The following KPNA3 variants were observed in gnomAD, a reference collection of about 807,000 sequenced individuals.
The protein encoded by KPNA3 is importin subunit alpha-4.
Under a neutral mutation model 73.8 loss-of-function variants are expected in KPNA3, and 13 were observed. The observed-to-expected ratio is 0.18, with a 90% confidence interval of 0.11 to 0.28. The LOEUF (loss-of-function observed/expected upper bound fraction) is 0.28. KPNA3 is among the 10% of genes least tolerant of loss of function. KPNA3 has a pLI of 1.00. For synonymous variants in KPNA3, 186 were observed against 206.9 expected (o/e 0.90, Z 0.87); for missense variants, 360 against 618.1 (o/e 0.58, Z 4.43).
intron 2 of KPNA3, among the ~76,000 whole-genome samples, chr13:49,738,669 C>T (rs564414349): frequency 1.3e-5 from 2 of 152,050 alleles, no homozygotes; most frequent in South Asian, 2.1e-4. Flanking sequence ...TATATAAATG[C>T]GACTGATTTC....
chr13:49,770,179 C>CTTTTT (rs35910811), intron 1 of KPNA3, among the ~76,000 whole-genome samples: 16 of 83,834 alleles, frequency 1.9e-4, no homozygotes, highest in East Asian at 7.2e-4. Context: ...TTGTGGGCTG[C>CTTTTT]TTTTTTTTTT....
At chr13:49,785,872 C>T (rs565854363) in intron 1 of KPNA3, among the ~76,000 whole-genome samples, 85 of 152,258 alleles carry the variant, frequency 5.6e-4, no homozygotes, top group African/African-American at 1.9e-3. Flanking sequence ...CACCTTTAGA[C>T]ACTGCATATG....
intron 6 of KPNA3, among the ~76,000 whole-genome samples, chr13:49,730,776 C>G (rs1954460252): frequency 8.4e-6 from 1 of 118,712 alleles, no homozygotes; most frequent in South Asian, 3.3e-4. Context: ...CCCCTCCCCC[C>G]TATTTATTCA....
At chr13:49,703,518 T>G (rs1174661581) in intron 15 of KPNA3, among the ~76,000 whole-genome samples, 1 of 152,170 alleles carries the variant, frequency 6.6e-6, no homozygotes, top group Non-Finnish European at 1.5e-5. Flanking sequence ...GTAATTTGTA[T>G]CTTTCTCTTT....
At chr13:49,715,883 C>T (rs1825062366) in intron 10 of KPNA3, among the ~76,000 whole-genome samples, 1 of 152,174 alleles carries the variant, frequency 6.6e-6, no homozygotes, top group South Asian at 2.1e-4. Flanking sequence ...AGGAAATGGC[C>T]TAAATGCCTA....
intron 15 of KPNA3, among the ~76,000 whole-genome samples, 176 bp downstream of exon 15, chr13:49,705,445 T>C (rs1954199136): frequency 6.6e-6 from 1 of 152,064 alleles, no homozygotes; most frequent in African/African-American, 2.4e-5. Context: ...TATGGACTAC[T>C]GTCTTCTGGA....
At chr13:49,724,362 G>C (rs981352369) in intron 7 of KPNA3, among the ~76,000 whole-genome samples, 1 of 151,502 alleles carries the variant, frequency 6.6e-6, no homozygotes, top group Non-Finnish European at 1.5e-5. Context: ...GGAGTGCAGC[G>C]GCACGATCTC....
At chr13:49,754,670 G>A (rs1189573492) in intron 1 of KPNA3, among the ~76,000 whole-genome samples, 2 of 144,600 alleles carry the variant, frequency 1.4e-5, no homozygotes, top group Non-Finnish European at 3.0e-5. Context: ...AGAAAATGCA[G>A]AGTTATAATA....
intron 6 of KPNA3, among the ~76,000 whole-genome samples, chr13:49,726,342 G>A (rs1954409019): frequency 6.6e-6 from 1 of 152,184 alleles, no homozygotes; most frequent in Non-Finnish European, 1.5e-5. Flanking sequence ...CAAAGAAAGT[G>A]ACAACTGAAC....
Position 49,726,430 on chromosome 13 carries a change from T to C in KPNA3, c.384-929A>G, listed in dbSNP as rs1025253365. On this transcript the variant is annotated intron_variant, in intron 6 of 16. Transcript: ENST00000261667. Reference sequence around the variant, plus strand: ...ACAGGTATCATGCATGGAAGGATCATGATGTGTAGGAACGACAAGGATTAG... The same window carrying C: ...ACAGGTATCATGCATGGAAGGATCACGATGTGTAGGAACGACAAGGATTAG... Among the ~76,000 whole-genome samples, 10 of 152,184 alleles carry C rather than the reference T, an allele frequency of 6.6e-5. No individual in the cohort carries two copies. In the South Asian group the frequency reaches 1.0e-3, roughly 16 times the overall value.
At chr13:49,737,117 GTTGTTTCTAAGTT>G (rs980756693) in intron 2 of KPNA3, among the ~76,000 whole-genome samples, 2 of 152,056 alleles carry the variant, frequency 1.3e-5, no homozygotes, top group African/African-American at 4.8e-5. Flanking sequence ...GGCCATCTGT[GTTGTTTCTAAGTT>G]TTGGCTATTA....
chr13:49,786,890 T>C (rs1375796780), intron 1 of KPNA3, among the ~76,000 whole-genome samples: 8 of 152,128 alleles, frequency 5.3e-5, no homozygotes, highest in East Asian at 1.9e-4. Context: ...GGAGAGAAGA[T>C]ACTGAACACA....
chr13:49,787,802 C>T (rs1449707549), intron 1 of KPNA3, among the ~76,000 whole-genome samples: 1 of 152,076 alleles, frequency 6.6e-6, no homozygotes, highest in African/African-American at 2.4e-5. Flanking sequence ...GCCTCAGCCT[C>T]CCGTGTAGCT....
chr13:49,709,468 G>A, intron 12 of KPNA3, 104 bp downstream of exon 12: 2 of 892,510 alleles, frequency 2.2e-6, no homozygotes, highest in Admixed American at 2.6e-5. Context: ...CATCTTCGCT[G>A]CAGTGGCTTT....
At chr13:49,787,793 C>T (rs1327417362) in intron 1 of KPNA3, among the ~76,000 whole-genome samples, 1 of 152,044 alleles carries the variant, frequency 6.6e-6, no homozygotes, top group Non-Finnish European at 1.5e-5. Flanking sequence ...CATTCTCCTG[C>T]CTCAGCCTCC....
chr13:49,746,064 GAAA>G (rs398022733), intron 2 of KPNA3, among the ~76,000 whole-genome samples: 2 of 83,078 alleles, frequency 2.4e-5, no homozygotes, highest in African/African-American at 4.5e-5. Flanking sequence ...CTCTGCATCA[GAAA>G]AAAAAAAAAA....
At chr13:49,782,887 T>C (rs1404110862) in intron 1 of KPNA3, among the ~76,000 whole-genome samples, 4 of 149,942 alleles carry the variant, frequency 2.7e-5, no homozygotes, top group Non-Finnish European at 5.9e-5. Context: ...GCTAAATAAA[T>C]GTTTAATAAA....
At chr13:49,724,180 G>T (rs1447322727) in intron 7 of KPNA3, among the ~76,000 whole-genome samples, 1 of 152,080 alleles carries the variant, frequency 6.6e-6, no homozygotes. Flanking sequence ...CCACTCCTCG[G>T]TTAATGAACA....
At chr13:49,732,019 T>C (rs950333276) in intron 6 of KPNA3, among the ~76,000 whole-genome samples, 18 of 152,224 alleles carry the variant, frequency 1.2e-4, no homozygotes, top group Non-Finnish European at 2.2e-4. Flanking sequence ...GTCATGAGGT[T>C]AATCTATATA....
Sources: gnomAD v4.1 joint callset for allele counts (sites outside exome capture counted in the v4.1 genomes callset) on GRCh38, gnomAD v4.1.1 for gene constraint, MANE v1.5 for transcripts, NCBI Gene and HGNC (gene_info 2026-07-23, HGNC 2026-07-21) for gene names.